The following MAP4 variants were observed in gnomAD, a reference collection of about 807,000 sequenced individuals.
MAP4 encodes the protein microtubule associated protein 4.
MAP4 carries 76 observed loss-of-function variants against 170.2 expected under a neutral mutation model. The observed-to-expected ratio is 0.45, with a 90% confidence interval of 0.37 to 0.54. MAP4 has a LOEUF of 0.54. Among genes scored for constraint, MAP4 ranks in the 20% least tolerant of loss-of-function variants. The probability of loss-of-function intolerance (pLI) is 0.00; values close to 1 mark genes in which losing one functional copy is unlikely to be tolerated. For synonymous variants in MAP4, 909 were observed against 994.5 expected (o/e 0.91, Z 1.62); for missense variants, 2,506 against 2,748.0 (o/e 0.91, Z 1.97).
chr3:48,049,436 A>G (rs772476143), intron 1 of MAP4, among the ~76,000 whole-genome samples: 1 of 141,204 alleles, frequency 7.1e-6, no homozygotes, highest in Non-Finnish European at 1.6e-5. Flanking sequence ...TCTGAGTAAC[A>G]TAACCGTACC....
At chr3:48,080,287 A>C (rs1345661164) in intron 1 of MAP4, among the ~76,000 whole-genome samples, 1 of 152,256 alleles carries the variant, frequency 6.6e-6, no homozygotes, top group Non-Finnish European at 1.5e-5. Context: ...AAATACCTGC[A>C]TAGAGAACTG....
rs897612111 is a variant in MAP4 at position 47,855,227 on chromosome 3, C to T, written c.6696+21G>A. 3.2e-6 allele frequency: 5 copies of T among 1,568,940 alleles called. No homozygotes were observed. Among genetic ancestry groups the T allele is most frequent in the Middle Eastern group, 1.7e-4 (1 of 6,000 alleles). ...TTCCCACCCCTCCCCAGCTGTGTCT[C>T]CCCAGTGACCCACTCGCTACCTTCA... is the stretch of plus-strand genomic sequence containing the variant. On this transcript the variant is annotated intron_variant, in intron 19 of 20. Transcript: ENST00000683076. This position sits in a 1 kb window ranked among gnomAD's most constrained non-coding sequence, Gnocchi z 5.1.
chr3:47,911,129 G>A lies in MAP4; in HGVS notation c.3292C>T (p.Leu1098Phe). 2 of 1,536,102 alleles carry A rather than the reference G, an allele frequency of 1.3e-6. No individual in the cohort carries two copies. The highest frequency in any genetic ancestry group is 8.7e-7 in the Non-Finnish European group (1 of 1,146,904). The change falls in exon 9 of 21, where the codon CTC becomes TTC. Residue 1098 changes from leucine (L) to phenylalanine (F), a missense_variant. Around this residue, in one of 3 missense-constraint regions of MAP4, gnomAD observed 2,008 missense variants for 2,206.0 expected, o/e 0.91. Coordinates refer to ENST00000683076, the MANE Select transcript of MAP4 (RefSeq NM_001385682.1). The surrounding 1 kb of genome is among the most constrained non-coding windows in gnomAD (Gnocchi z 4.0). ...LDSQKDGRAV[L>F]IPSEPVSKTE... is the part of the protein sequence containing the mutation. ...TTAGAGACTGGCTCACTCGGTATGA[G>A]AACAGCCCTTCCGTCCTTCTGGCTG...
At chr3:48,073,339 G>A (rs970788595) in intron 1 of MAP4, among the ~76,000 whole-genome samples, 7 of 147,268 alleles carry the variant, frequency 4.8e-5, no homozygotes, top group South Asian at 2.2e-4. Context: ...AGCCGGGTGC[G>A]GTGGCTCACA....
At chr3:47,936,242 C>T (rs189071449) in intron 3 of MAP4, among the ~76,000 whole-genome samples, 24 of 151,716 alleles carry the variant, frequency 1.6e-4, no homozygotes, top group Middle Eastern at 3.4e-3. Context: ...GGCACCAGCC[C>T]GACCAACGTG....
intron 4 of MAP4, among the ~76,000 whole-genome samples, chr3:47,924,313 C>T (rs867647167): frequency 6.6e-6 from 1 of 152,142 alleles, no homozygotes; most frequent in South Asian, 2.1e-4. Flanking sequence ...TCCCTCTCCT[C>T]TAATCCCACA....
chr3:47,990,653 C>G (rs1424419154), intron 2 of MAP4, among the ~76,000 whole-genome samples: 2 of 152,142 alleles, frequency 1.3e-5, no homozygotes, highest in Non-Finnish European at 2.9e-5. Context: ...AGGGTCAATA[C>G]TGTGCTAGAT....
intron 3 of MAP4, among the ~76,000 whole-genome samples, chr3:47,930,655 G>T (rs2100049196): frequency 6.6e-6 from 1 of 152,056 alleles, no homozygotes; most frequent in East Asian, 1.9e-4. Flanking sequence ...ATGGCCAGCT[G>T]CAGCGGCTCA....
At chr3:47,863,257 T>C (rs886677329) in intron 17 of MAP4, among the ~76,000 whole-genome samples, 2 of 152,258 alleles carry the variant, frequency 1.3e-5, no homozygotes, top group Non-Finnish European at 2.9e-5. Context: ...ATTACAGGCA[T>C]GAGCCGCTGT....
chr3:47,856,610 A>G lies in MAP4; in HGVS notation c.6583+821T>C, dbSNP rs548114981. The stretch of plus-strand genomic sequence containing the variant: ...CCTAGCTAGTTTTTGTATTTTTAGT[A>G]GAGACAGGGTTTCACCATGTTGGCC... On this transcript the variant is annotated intron_variant, in intron 18 of 20. Coordinates refer to ENST00000683076, the MANE Select transcript of MAP4 (RefSeq NM_001385682.1). 2.6e-5 allele frequency among the ~76,000 whole-genome samples: 4 copies of G among 152,320 alleles called. No homozygotes were observed. In the East Asian group the frequency reaches 7.7e-4, roughly 29 times the overall value.
intron 4 of MAP4, among the ~76,000 whole-genome samples, chr3:47,925,983 T>C (rs1164564101): frequency 6.6e-6 from 1 of 151,338 alleles, no homozygotes; most frequent in Admixed American, 6.6e-5. Flanking sequence ...GCCTCCCAAG[T>C]AGCTGGAATT....
chr3:48,054,123 G>A (rs1258340636), intron 1 of MAP4, among the ~76,000 whole-genome samples: 1 of 151,952 alleles, frequency 6.6e-6, no homozygotes, highest in Admixed American at 6.6e-5. Context: ...CCAACATGGT[G>A]AAACCCCATC....
chr3:48,048,423 T>C (rs2100125693), intron 1 of MAP4, among the ~76,000 whole-genome samples: 1 of 150,710 alleles, frequency 6.6e-6, no homozygotes, highest in African/African-American at 2.4e-5. Flanking sequence ...AGTAAAGGCC[T>C]GAAAGGAATT....
rs201696986 is a variant in MAP4, at chr3:47,918,773, A to G, written c.598T>C (p.Ser200Pro). The G allele has an allele frequency of 3.5e-5, 56 of 1,610,320 alleles. No homozygotes were observed. Among genetic ancestry groups the G allele is most frequent in the Non-Finnish European group, 4.2e-6 (5 of 1,176,654 alleles). Residue 200 changes from serine (S) to proline (P), a missense_variant, in exon 6 of 21, where the codon TCA becomes CCA. Ser to Pro is a moderately conservative substitution (Grantham distance 74, BLOSUM62 -1). Transcript: ENST00000683076. ...WSVEALNSPH[S>P]ESFVSPEAVA... ...GCCTCTGGGGAAACAAAGGACTCTG[A>G]GTGTGGAGAGTTTAAGGCTTCCACA...
chr3:48,086,891 G>A (rs142749779), intron 1 of MAP4, among the ~76,000 whole-genome samples: 1 of 152,184 alleles, frequency 6.6e-6, no homozygotes, highest in African/African-American at 2.4e-5. Flanking sequence ...TCAAGCACTT[G>A]AATCATCCCA....
rs1284875586 is a variant in MAP4 at position 47,907,152 on chromosome 3, A to G, written c.5383+1886T>C. ...GCCTGGCTTCTTTATACTGAGTCTTAAAAGATCTCTTTAAAAATTAAGTTT... is the reference window on the plus strand; with the variant it reads ...GCCTGGCTTCTTTATACTGAGTCTTGAAAGATCTCTTTAAAAATTAAGTTT... On this transcript the variant is annotated intron_variant, in intron 9 of 20. Coordinates refer to ENST00000683076, the MANE Select transcript of MAP4 (RefSeq NM_001385682.1). Among the ~76,000 whole-genome samples the G allele has an allele frequency of 2.0e-4, 31 of 152,190 alleles. 1 individual carries two copies. The highest frequency in any genetic ancestry group is 2.0e-3 in the Admixed American group (30 of 15,268).
chr3:48,075,712 G>C (rs1011770831), intron 1 of MAP4, among the ~76,000 whole-genome samples: 1 of 151,756 alleles, frequency 6.6e-6, no homozygotes, highest in Admixed American at 6.6e-5. Context: ...AGTGGTTCAC[G>C]CCTGTAATCC....
At position 47,939,589 on chromosome 3, in the gene MAP4, T is replaced by A. The variant is rs533955310; in HGVS notation, c.293-11239A>T. Among the ~76,000 whole-genome samples, 115 of 152,156 alleles carry A rather than the reference T, an allele frequency of 7.6e-4. 1 individual carries two copies. Among genetic ancestry groups the A allele is most frequent in the East Asian group, 3.3e-3 (17 of 5,190 alleles). On this transcript the variant is annotated intron_variant, in intron 3 of 20. Coordinates refer to ENST00000683076, the MANE Select transcript of MAP4 (RefSeq NM_001385682.1). ...AGGTTGGTGACATAATGTTTTTTTT[T>A]AAAAAAGCATAAGGAATTCCAAAAT...
Position 48,087,747 on chromosome 3 carries a change from A to G in MAP4, c.-20+1026T>C, listed in dbSNP as rs9880937. Reference sequence around the variant, plus strand: ...CGCACGCGCACACACACGCACGCGCACACACACACACACACACACACACAC... The same window carrying G: ...CGCACGCGCACACACACGCACGCGCGCACACACACACACACACACACACAC... On this transcript the variant is annotated intron_variant, in intron 1 of 18. Coordinates refer to the MAP4 transcript ENST00000360240. Among the ~76,000 whole-genome samples, 502 of 74,154 alleles carry G rather than the reference A, an allele frequency of 6.8e-3. 1 individual carries two copies. Among genetic ancestry groups the G allele is most frequent in the African/African-American group, 0.016 (294 of 18,588 alleles). 48.6% of individuals were successfully genotyped at this position (74,154 alleles called of 152,430 possible).
Sources: gnomAD v4.1 joint callset for allele counts (sites outside exome capture counted in the v4.1 genomes callset) on GRCh38, gnomAD v4.1.1 for gene constraint, gnomAD v4.1.1 regional missense constraint, Gnocchi (gnomAD v3.1) non-coding constraint, MANE v1.5 for transcripts, NCBI Gene and HGNC (gene_info 2026-07-23, HGNC 2026-07-21) for gene names.